Variants in ERBB4 observed in about 807,000 individuals in gnomAD.
ERBB4 encodes erb-b2 receptor tyrosine kinase 4, also known as receptor tyrosine-protein kinase erbB-4.
In ERBB4, 42 loss-of-function variants were observed where a neutral mutation model predicts 158.0. The observed-to-expected ratio is 0.27, with a 90% CI of 0.21 to 0.34. The LOEUF is 0.34. Among genes scored for constraint, ERBB4 ranks in the 10% least tolerant of loss-of-function variants. ERBB4 has a pLI of 1.00. For synonymous variants in ERBB4, 583 were observed against 558.7 expected (o/e 1.04, Z -0.61); for missense variants, 1,333 against 1,624.1 (o/e 0.82, Z 3.08).
chr2:211,835,063 T>C (rs1444361618), intron 3 of ERBB4, among the ~76,000 whole-genome samples: 1 of 152,158 alleles, frequency 6.6e-6, no homozygotes, highest in Non-Finnish European at 1.5e-5. Flanking sequence ...GGGAATATTT[T>C]TCCTTAATAT....
intron 2 of ERBB4, among the ~76,000 whole-genome samples, chr2:212,000,022 T>C (rs900560163): frequency 1.3e-5 from 2 of 151,814 alleles, no homozygotes; most frequent in Non-Finnish European, 3.0e-5. Flanking sequence ...CGGTAATTCC[T>C]TTCTAAAGTA....
Position 211,512,553 on chromosome 2 carries a change from A to T in ERBB4, c.2487+49350T>A, listed in dbSNP as rs573140083. On this transcript the variant is annotated intron_variant, in intron 20 of 27. Coordinates refer to ENST00000342788, the MANE Select transcript of ERBB4 (RefSeq NM_005235.3). ...ACAAGTGAACAAACACAATGAAATT[A>T]AAAAAAAAACTTTTTGGAACTATCT... 2.9e-4 allele frequency among the ~76,000 whole-genome samples: 44 copies of T among 149,358 alleles called. 1 individual carries two copies. The highest frequency in any genetic ancestry group is 3.5e-3 in the Middle Eastern group (1 of 288).
chr2:211,603,402 C>T (rs1385186766), intron 19 of ERBB4, among the ~76,000 whole-genome samples: 1 of 151,968 alleles, frequency 6.6e-6, no homozygotes, highest in Admixed American at 6.5e-5. Flanking sequence ...GGAAAAAGGT[C>T]TTAATTAAAT....
chr2:211,518,435 C>G (rs1288812617), intron 20 of ERBB4, among the ~76,000 whole-genome samples: 1 of 152,044 alleles, frequency 6.6e-6, no homozygotes, highest in Non-Finnish European at 1.5e-5. Context: ...GCGGGCAGAT[C>G]ACAAAGTCAG....
At chr2:211,873,131 G>C (rs1262577300) in intron 3 of ERBB4, among the ~76,000 whole-genome samples, 10 of 150,108 alleles carry the variant, frequency 6.7e-5, no homozygotes, top group Non-Finnish European at 1.0e-4. Flanking sequence ...ATTCTAAATT[G>C]CAGTTGGAGT....
At position 212,538,626 on chromosome 2, in the gene ERBB4, G is replaced by T. The variant is rs1296083676; in HGVS notation, c.-96C>A. 6.4e-5 allele frequency: 85 copies of T among 1,321,588 alleles called. 1 individual carries two copies. Among genetic ancestry groups the T allele is most frequent in the Non-Finnish European group, 5.4e-6 (5 of 921,976 alleles). 81.9% of individuals were successfully genotyped at this position (1,321,588 alleles called of 1,614,324 possible). A position where few individuals can be genotyped will look rare whatever the true frequency, so the allele number is the denominator to read the frequency against. On this transcript the variant is annotated 5_prime_UTR_variant, in exon 1 of 28. Transcript: ENST00000342788. ...GAGGAGATCCCCCAGCCGGGCGCGC[G>T]TGGGGGTGCGAGGGGGGCGGGCGCG...
At chr2:212,437,193 A>C (rs2092156865) in intron 1 of ERBB4, among the ~76,000 whole-genome samples, 1 of 151,998 alleles carries the variant, frequency 6.6e-6, no homozygotes, top group South Asian at 2.1e-4. Context: ...CCCATTAAGT[A>C]CTGCTCCTAA....
chr2:212,098,311 T>C (rs2078987844), intron 2 of ERBB4, among the ~76,000 whole-genome samples: 2 of 152,174 alleles, frequency 1.3e-5, no homozygotes, highest in South Asian at 4.1e-4. Context: ...GAGACTTTTC[T>C]TCCAGGCTAT....
chr2:212,025,319 C>T (rs544649691), intron 2 of ERBB4, among the ~76,000 whole-genome samples: 18 of 151,690 alleles, frequency 1.2e-4, no homozygotes, highest in African/African-American at 3.6e-4. Context: ...CTAGTATCAC[C>T]GAAATTCATT....
At chr2:212,088,098 T>C (rs2078668477) in intron 2 of ERBB4, among the ~76,000 whole-genome samples, 1 of 152,106 alleles carries the variant, frequency 6.6e-6, no homozygotes, top group Non-Finnish European at 1.5e-5. Flanking sequence ...AAGTGGAAAG[T>C]TCATCATCTA....
At chr2:212,222,654 G>A (rs1436114229) in intron 1 of ERBB4, among the ~76,000 whole-genome samples, 1 of 150,142 alleles carries the variant, frequency 6.7e-6, no homozygotes, top group Non-Finnish European at 1.5e-5. Flanking sequence ...TTGCTCCTTT[G>A]GGTCCCAGTT....
At chr2:211,912,532 G>GA (rs545561574) in intron 3 of ERBB4, among the ~76,000 whole-genome samples, 4 of 151,720 alleles carry the variant, frequency 2.6e-5, no homozygotes, top group African/African-American at 7.2e-5. Context: ...ACAAAAAAGA[G>GA]AAAAAAAACT....
chr2:211,480,826 T>A (rs950202078), intron 20 of ERBB4, among the ~76,000 whole-genome samples: 8 of 152,202 alleles, frequency 5.3e-5, no homozygotes, highest in African/African-American at 1.7e-4. Context: ...GGAAGTAGCT[T>A]CCATGGCACT....
chr2:212,324,742 A>G (rs561398844), intron 1 of ERBB4, among the ~76,000 whole-genome samples: 9 of 150,752 alleles, frequency 6.0e-5, no homozygotes, highest in African/African-American at 1.9e-4. Context: ...TAATGTTCAT[A>G]TCAGGTTTTC....
At chr2:212,150,929 T>G (rs1325543363) in intron 1 of ERBB4, among the ~76,000 whole-genome samples, 1 of 152,124 alleles carries the variant, frequency 6.6e-6, no homozygotes, top group Non-Finnish European at 1.5e-5. Flanking sequence ...CTCTGCCACT[T>G]AAAACATAAT....
At chr2:212,444,306 T>C (rs748466373) in intron 1 of ERBB4, among the ~76,000 whole-genome samples, 11 of 152,178 alleles carry the variant, frequency 7.2e-5, no homozygotes, top group Non-Finnish European at 1.3e-4. Context: ...ATTTTCCCAG[T>C]GGGCAGAACT....
intron 5 of ERBB4, among the ~76,000 whole-genome samples, chr2:211,733,964 C>A (rs953484340): frequency 6.8e-6 from 1 of 147,362 alleles, no homozygotes; most frequent in East Asian, 1.9e-4. Flanking sequence ...ATCATTTGAA[C>A]CCGGGAGACT....
intron 2 of ERBB4, among the ~76,000 whole-genome samples, chr2:211,959,061 C>A (rs142990051): frequency 2.0e-5 from 3 of 152,042 alleles, no homozygotes; most frequent in South Asian, 4.1e-4. Flanking sequence ...TTGCACTTGA[C>A]TTTTCTTCCT....
At chr2:212,537,460 G>T (rs997085663) in intron 1 of ERBB4, among the ~76,000 whole-genome samples, 2 of 152,024 alleles carry the variant, frequency 1.3e-5, no homozygotes, top group African/African-American at 4.8e-5. Context: ...TGCAAGCCGT[G>T]GCGGGCCAGC....
Sources: gnomAD v4.1 joint callset for allele counts (sites outside exome capture counted in the v4.1 genomes callset) on GRCh38, gnomAD v4.1.1 for gene constraint, MANE v1.5 for transcripts, NCBI Gene and HGNC (gene_info 2026-07-23, HGNC 2026-07-21) for gene names.